The following DENND1B variants were observed in gnomAD, a reference collection of about 807,000 sequenced individuals.
The protein encoded by DENND1B is DENN domain-containing protein 1B.
Under a neutral mutation model 90.1 loss-of-function variants are expected in DENND1B, and 59 were observed. That is an observed-to-expected ratio of 0.65 (90% CI 0.53 to 0.81). DENND1B has a LOEUF of 0.81. Ranked by LOEUF, DENND1B falls within the 40% of genes least tolerant of loss-of-function variation. The pLI, the probability that DENND1B is intolerant of heterozygous loss-of-function variation, is 0.00. For synonymous variants in DENND1B, 337 were observed against 324.6 expected, an observed-to-expected ratio of 1.04 and a Z score of -0.41; for missense variants, 862 against 912.6, an observed-to-expected ratio of 0.94 and a Z score of 0.71.
At chr1:197,684,306 C>T (rs897105756) in intron 3 of DENND1B, among the ~76,000 whole-genome samples, 14 of 152,262 alleles carry the variant, frequency 9.2e-5, no homozygotes, top group South Asian at 4.1e-4. Flanking sequence ...TGTCCAAAGT[C>T]AAACAGCTAG....
At chr1:197,694,936 A>T (rs1323294744) in intron 3 of DENND1B, among the ~76,000 whole-genome samples, 3 of 151,276 alleles carry the variant, frequency 2.0e-5, no homozygotes, top group African/African-American at 7.3e-5. Flanking sequence ...TGTACGCAAA[A>T]ATATTCTTTT....
chr1:197,694,996 AG>A (rs1658283845), intron 3 of DENND1B, among the ~76,000 whole-genome samples: 1 of 151,272 alleles, frequency 6.6e-6, no homozygotes, highest in African/African-American at 2.4e-5. Context: ...TCAACTATAA[AG>A]CAAAGTTCAT....
Position 197,583,186 on chromosome 1 carries a change from A to G in DENND1B, c.1115T>C (p.Leu372Pro), listed in dbSNP as rs1181402922. ...KHRSSVMKQF[L>P]ETAINLQLFK... is the part of the protein sequence containing the mutation. Reference sequence around the variant, plus strand: ...AAGCTGGAGGTTAATGGCAGTTTCCAGGAACTGTTTCATCACGCTTGAGCG... The same window carrying G: ...AAGCTGGAGGTTAATGGCAGTTTCCGGGAACTGTTTCATCACGCTTGAGCG... The change falls in exon 15 of 23, where the codon CTG becomes CCG. Residue 372 changes from leucine (L) to proline (P), a missense_variant. Physicochemically the swap from Leu to Pro is moderately conservative, Grantham distance 98. Transcript: ENST00000620048. 1.2e-6 allele frequency: 2 copies of G among 1,613,938 alleles called. No homozygotes were observed. The highest frequency in any genetic ancestry group is 1.7e-6 in the Non-Finnish European group (2 of 1,179,840).
At chr1:197,724,930 C>A (rs949158387) in intron 2 of DENND1B, among the ~76,000 whole-genome samples, 3 of 151,244 alleles carry the variant, frequency 2.0e-5, no homozygotes, top group Admixed American at 1.3e-4. Flanking sequence ...CATAAAGAGG[C>A]AAAATAAATG....
At chr1:197,600,243 G>A (rs190379157) in intron 13 of DENND1B, among the ~76,000 whole-genome samples, 1 of 151,954 alleles carries the variant, frequency 6.6e-6, no homozygotes, top group African/African-American at 2.4e-5. Flanking sequence ...CAGCAGAGAT[G>A]GCTTTAAGTC....
At chr1:197,770,748 CTATAAATATA>C (rs1335040264) in intron 2 of DENND1B, among the ~76,000 whole-genome samples, 84 of 122,644 alleles carry the variant, frequency 6.8e-4, no homozygotes, top group Middle Eastern at 4.5e-3. Flanking sequence ...ATATATATAT[CTATAAATATA>C]TATAAATATA....
chr1:197,657,027 C>G (rs1463702631), intron 6 of DENND1B, among the ~76,000 whole-genome samples: 1 of 151,948 alleles, frequency 6.6e-6, no homozygotes, highest in Non-Finnish European at 1.5e-5. Flanking sequence ...GGATATGACA[C>G]CAAAAGCACA....
intron 2 of DENND1B, chr1:197,734,660 TACAA>T: frequency 1.0e-6 from 1 of 985,104 alleles, no homozygotes; most frequent in South Asian, 4.7e-5. Context: ...TTCAAAACCC[TACAA>T]ACAGACAGCA....
intron 15 of DENND1B, among the ~76,000 whole-genome samples, chr1:197,582,355 C>A (rs1674317316): frequency 6.6e-6 from 1 of 152,130 alleles, no homozygotes; most frequent in Non-Finnish European, 1.5e-5. Flanking sequence ...TTCTCAAGGG[C>A]ATTACTGAGT....
chr1:197,579,261 A>C (rs1673980349), intron 15 of DENND1B, among the ~76,000 whole-genome samples: 1 of 152,154 alleles, frequency 6.6e-6, no homozygotes, highest in Non-Finnish European at 1.5e-5. Flanking sequence ...TTTTGTTGGG[A>C]AATGTCCTCA....
intron 3 of DENND1B, 87 bp downstream of exon 3, chr1:197,714,944 T>C (rs1283661857): frequency 4.2e-6 from 4 of 942,010 alleles, no homozygotes; most frequent in Non-Finnish European, 6.8e-6. Flanking sequence ...TGTTCACTAG[T>C]AGTTATACTA....
chr1:197,752,441 T>C (rs1037864288), intron 2 of DENND1B, among the ~76,000 whole-genome samples: 5 of 152,022 alleles, frequency 3.3e-5, no homozygotes, highest in Non-Finnish European at 5.9e-5. Flanking sequence ...GGTAACTTCA[T>C]GGGTGAATTC....
In DENND1B at chr1:197,623,363, A is replaced by C. The variant is rs1380083741; in HGVS notation, c.673-5604T>G. ...TAAAAAATTAGTGGAAACCATAAAG[A>C]AAAAAACTGTTTAAACACATTTAAT... On this transcript the variant is annotated intron_variant, in intron 10 of 22. Transcript: ENST00000620048. Among the ~76,000 whole-genome samples the C allele has an allele frequency of 3.3e-5, 5 of 151,442 alleles. No individual in the cohort carries two copies. The Admixed American group carries it at 3.3e-4, about 10-fold the overall frequency.
At chr1:197,699,585 AG>A (rs1434522584) in intron 3 of DENND1B, among the ~76,000 whole-genome samples, 1 of 152,178 alleles carries the variant, frequency 6.6e-6, no homozygotes, top group Non-Finnish European at 1.5e-5. Flanking sequence ...AAAGAAATAA[AG>A]GGAACTCAAA....
chr1:197,586,427 C>T (rs1216220367), intron 14 of DENND1B, among the ~76,000 whole-genome samples: 1 of 151,940 alleles, frequency 6.6e-6, no homozygotes, highest in African/African-American at 2.4e-5. Context: ...AGTATTTATA[C>T]ATATACCTCA....
At chr1:197,563,960 A>G (rs1571890570) in intron 15 of DENND1B, among the ~76,000 whole-genome samples, 1 of 152,098 alleles carries the variant, frequency 6.6e-6, no homozygotes, top group Middle Eastern at 3.4e-3. Context: ...AACAGCAAGC[A>G]AACTAGAATT....
chr1:197,768,286 G>C (rs2102491637), intron 2 of DENND1B, among the ~76,000 whole-genome samples: 1 of 148,720 alleles, frequency 6.7e-6, no homozygotes, highest in South Asian at 2.1e-4. Context: ...TACTACTACT[G>C]CTACTATTAC....
At chr1:197,658,404 A>G (rs1654064836) in intron 5 of DENND1B, 35 bp from the exon 6 acceptor site, 1 of 1,350,872 alleles carries the variant, frequency 7.4e-7, no homozygotes. Context: ...TATATACATA[A>G]AATTCAGAAT....
rs1385653563 is a variant in DENND1B, at chr1:197,642,786, C to T, written c.597G>A (p.Val199=). 6.2e-6 allele frequency: 10 copies of T among 1,613,482 alleles called. No homozygotes were observed. Among genetic ancestry groups the T allele is most frequent in the Non-Finnish European group, 8.5e-6 (10 of 1,179,724 alleles). The change falls in exon 10 of 23, where the codon GTG becomes GTA. Residue 199 remains valine, a synonymous_variant. Transcript: ENST00000620048. ...TGGCATACAGCTGCAGCATGTTGTT[C>T]ACATCCACGGCAACAAAATATTCTG... ...NLTEYFVAVD[V]NNMLQLYASM...
Sources: gnomAD v4.1 joint callset for allele counts (sites outside exome capture counted in the v4.1 genomes callset) on GRCh38, gnomAD v4.1.1 for gene constraint, MANE v1.5 for transcripts, NCBI Gene and HGNC (gene_info 2026-07-23, HGNC 2026-07-21) for gene names.